MAP4: variants seen among roughly 807,000 people sequenced by gnomAD.
MAP4 encodes microtubule associated protein 4.
MAP4 carries 76 observed loss-of-function variants against 170.2 expected under a neutral mutation model. That is an observed-to-expected ratio of 0.45 (90% CI 0.37 to 0.54). The LOEUF is 0.54. MAP4 is among the 20% of genes least tolerant of loss of function. The pLI is 0.00. For synonymous variants in MAP4, 909 were observed against 994.5 expected (o/e 0.91, Z 1.62); for missense variants, 2,506 against 2,748.0 (o/e 0.91, Z 1.97).
Position 47,869,319 on chromosome 3 carries a change from T to C in MAP4, c.6303A>G (p.Val2101=), listed in dbSNP as rs2086587977. 1 of 1,611,262 alleles carries C rather than the reference T, an allele frequency of 6.2e-7. No homozygotes were observed. Among genetic ancestry groups the C allele is most frequent in the Non-Finnish European group, 8.5e-7 (1 of 1,177,350 alleles). The stretch of plus-strand genomic sequence containing the variant: ...TAGCAGCTGCCTCTGTTTTTTTCTC[T>C]ACTTTGGCCTGGATGGAGATAAAGG... The part of the protein sequence containing the change: ...KHQPGGGRAK[V]EKKTEAAATT... The change falls in exon 16 of 21, where the codon GTA becomes GTG. Residue 2101 remains valine, a synonymous_variant. Coordinates refer to ENST00000683076, the MANE Select transcript of MAP4 (RefSeq NM_001385682.1).
At chr3:47,949,300 T>C (rs1467828168) in intron 3 of MAP4, among the ~76,000 whole-genome samples, 3 of 151,850 alleles carry the variant, frequency 2.0e-5, no homozygotes, top group Admixed American at 1.3e-4. Context: ...ACCCCGTCTC[T>C]ACTAAGAATA....
At chr3:47,932,245 T>C (rs1458105258) in intron 3 of MAP4, among the ~76,000 whole-genome samples, 1 of 152,234 alleles carries the variant, frequency 6.6e-6, no homozygotes, top group African/African-American at 2.4e-5. Flanking sequence ...ATCCATGCTG[T>C]AGTATGGTAA....
At chr3:47,854,659 G>A (rs1425887457) in intron 19 of MAP4, among the ~76,000 whole-genome samples, 1 of 152,034 alleles carries the variant, frequency 6.6e-6, no homozygotes, top group Non-Finnish European at 1.5e-5. Context: ...AGAGAGGGAA[G>A]GGAGAAGAGG....
At chr3:47,955,331 G>A (rs1307175052) in intron 3 of MAP4, among the ~76,000 whole-genome samples, 1 of 151,604 alleles carries the variant, frequency 6.6e-6, no homozygotes, top group Admixed American at 6.6e-5. Flanking sequence ...TGCCTTTTAC[G>A]TGCCTATGAA....
At chr3:47,967,823 C>A (rs1559635833) in intron 3 of MAP4, among the ~76,000 whole-genome samples, 1 of 152,114 alleles carries the variant, frequency 6.6e-6, no homozygotes, top group Non-Finnish European at 1.5e-5. Context: ...ATTAGCCAGG[C>A]ATGGTGGTGT....
chr3:47,994,268 TTCTC>T (rs2100094066), intron 2 of MAP4, among the ~76,000 whole-genome samples: 1 of 152,212 alleles, frequency 6.6e-6, no homozygotes, highest in Admixed American at 6.5e-5. Context: ...GGAAAATCTA[TTCTC>T]TCTTAATCCA....
chr3:48,061,180 A>ACCTCCCCCTCCC (rs771538900), intron 1 of MAP4, among the ~76,000 whole-genome samples: 3 of 146,306 alleles, frequency 2.1e-5, no homozygotes, highest in East Asian at 4.1e-4. Context: ...GAAAATGAAC[A>ACCTCCCCCTCCC]CCTCCCCCTC....
At chr3:47,883,725 T>C (rs2097152625) in intron 10 of MAP4, among the ~76,000 whole-genome samples, 1 of 152,184 alleles carries the variant, frequency 6.6e-6, no homozygotes, top group Non-Finnish European at 1.5e-5. Flanking sequence ...ATGGATTGTT[T>C]TACCAAATAA....
In MAP4 at chr3:47,852,488, T is replaced by A. The variant is rs1008612250; in HGVS notation, c.*446A>T. 1 of 382,106 alleles carries A rather than the reference T, an allele frequency of 2.6e-6. No homozygotes were observed. The highest frequency in any genetic ancestry group is 5.1e-5 in the South Asian group (1 of 19,426). The allele number at this position is 382,106 out of a possible 1,614,324, so 23.7% of individuals were successfully genotyped here. On this transcript the variant is annotated 3_prime_UTR_variant, in exon 21 of 21. Coordinates refer to ENST00000683076, the MANE Select transcript of MAP4 (RefSeq NM_001385682.1). The stretch of plus-strand genomic sequence containing the variant: ...ACCTCCACTCTTCCCTCCAGGTAGA[T>A]CCAGGGAGAAGGGAGGGCATGTCAG...
intron 2 of MAP4, among the ~76,000 whole-genome samples, chr3:47,978,469 C>T: frequency 6.6e-6 from 1 of 152,092 alleles, no homozygotes; most frequent in Middle Eastern, 3.2e-3. Context: ...AGGCACCCGC[C>T]CCCATGACCA....
chr3:47,909,325 C>T lies in MAP4; in HGVS notation c.5096G>A (p.Ser1699Asn). Residue 1699 changes from serine (S) to asparagine (N), a missense_variant, in exon 9 of 21, where the codon AGC (serine) becomes AAC (asparagine). By Grantham distance (46) the Ser-to-Asn change is conservative. Transcript: ENST00000683076. ...CTCTGAAGGAGGAGCTTCGACTTTG[C>T]TATGTAAGAAATCTGACTGGATTTC... ...TPEIQSDFLH[S>N]KVEAPPSEVA... 6.2e-7 allele frequency: 1 copy of T among 1,613,940 alleles called. No individual in the cohort carries two copies. The highest frequency in any genetic ancestry group is 8.5e-7 in the Non-Finnish European group (1 of 1,179,860).
intron 3 of MAP4, chr3:47,973,858 G>T (rs938999346): frequency 1.0e-6 from 1 of 985,144 alleles, no homozygotes; most frequent in Admixed American, 6.1e-5. Context: ...TTCTTTGATG[G>T]TGTATTCTCT....
intron 1 of MAP4, among the ~76,000 whole-genome samples, chr3:48,080,940 C>G (rs1176970661): frequency 6.6e-6 from 1 of 152,074 alleles, no homozygotes; most frequent in East Asian, 1.9e-4. Context: ...CTGGCTAACA[C>G]GGTGAAACCC....
intron 1 of MAP4, among the ~76,000 whole-genome samples, chr3:48,038,945 T>C (rs1032977623): frequency 4.0e-5 from 6 of 151,738 alleles, no homozygotes; most frequent in African/African-American, 1.5e-4. Context: ...CTACAAAAAA[T>C]ACAAAAATTA....
chr3:48,050,020 G>A (rs28416632), intron 1 of MAP4, among the ~76,000 whole-genome samples: 6 of 151,746 alleles, frequency 4.0e-5, no homozygotes, highest in African/African-American at 1.5e-4. Context: ...AGCAATTTGG[G>A]AGGCCAAGGC....
At position 47,973,060 on chromosome 3, in the gene MAP4, C is replaced by T. The variant is rs995160322; in HGVS notation, c.292+4805G>A. The T allele has an allele frequency of 1.3e-5, 13 of 984,696 alleles. 1 individual carries two copies. Among genetic ancestry groups the T allele is most frequent in the Non-Finnish European group, 2.4e-6 (2 of 829,506 alleles). 61.0% of individuals were successfully genotyped at this position (984,696 alleles called of 1,614,324 possible). ...AACATTATATTTCAACAATTATGACCCCAACCAAATCCAGTCCATAAGGTG... is the reference window on the plus strand; with the variant it reads ...AACATTATATTTCAACAATTATGACTCCAACCAAATCCAGTCCATAAGGTG... On this transcript the variant is annotated intron_variant, in intron 3 of 20. Coordinates refer to ENST00000683076, the MANE Select transcript of MAP4 (RefSeq NM_001385682.1).
rs769017379 is a variant in MAP4, at chr3:47,871,022, C to T, written c.6085G>A (p.Val2029Met). 90 of 1,613,946 alleles carry T rather than the reference C, an allele frequency of 5.6e-5. No homozygotes were observed. The highest frequency in any genetic ancestry group is 6.3e-5 in the Non-Finnish European group (74 of 1,179,960). The change falls in exon 15 of 21, where the codon GTG becomes ATG. Residue 2029 changes from valine to methionine, a missense_variant. Val to Met is a conservative substitution (Grantham distance 21, BLOSUM62 1). This residue lies in a region of MAP4 where 487 missense variants were observed against 511.6 expected (regional missense o/e 0.95). Transcript: ENST00000683076. ...TLSGTAPAAG[V>M]VPSRVKATPM... is the part of the protein sequence containing the mutation. ...GTGGCCTTGACTCGGCTGGGAACCA[C>T]CCCTGCAGCGGGGGCTGTCCCACTG...
chr3:48,078,564 A>G (rs141823893), intron 1 of MAP4, among the ~76,000 whole-genome samples: 4 of 152,128 alleles, frequency 2.6e-5, no homozygotes, highest in African/African-American at 9.6e-5. Context: ...GGAAAACATC[A>G]AAGAGTAGGG....
chr3:47,870,465 A>G (rs1410459060), intron 15 of MAP4, among the ~76,000 whole-genome samples: 1 of 152,050 alleles, frequency 6.6e-6, no homozygotes, highest in Non-Finnish European at 1.5e-5. Context: ...ACCATGAAAA[A>G]CTAGGCTCAT....
Sources: allele counts gnomAD v4.1 joint callset (sites outside exome capture counted in the v4.1 genomes callset), GRCh38; gene constraint gnomAD v4.1.1; regional missense constraint gnomAD v4.1.1; transcripts MANE v1.5; gene names NCBI Gene and HGNC (gene_info 2026-07-23, HGNC 2026-07-21).